The following TET2 variants were observed in gnomAD, a reference collection of about 807,000 sequenced individuals.
The protein encoded by TET2 is methylcytosine dioxygenase TET2.
Under a neutral mutation model 142.9 loss-of-function variants are expected in TET2, and 299 were observed. That is an observed-to-expected ratio of 2.09 (90% CI 1.90 to 2.30). The LOEUF (loss-of-function observed/expected upper bound fraction) is 2.30. Among genes scored for constraint, TET2 ranks in the 30% most tolerant of loss-of-function variants. The pLI, the probability that TET2 is intolerant of heterozygous loss-of-function variation, is 0.00. For synonymous variants in TET2, 819 were observed against 849.0 expected (o/e 0.96, Z 0.61); for missense variants, 2,418 against 2,378.0 (o/e 1.02, Z -0.35).
At chr4:105,231,418 T>C (rs757950638) in intron 2 of TET2, among the ~76,000 whole-genome samples, 22 of 152,166 alleles carry the variant, frequency 1.4e-4, no homozygotes, top group Non-Finnish European at 2.5e-4. Context: ...TAAAAACTTA[T>C]TCCTAGTGTA....
Position 105,272,810 on chromosome 4 carries a change from GAA to G in TET2, c.4432_4433del (p.Lys1478AlafsTer10). 1 of 1,551,638 alleles carries G rather than the reference GAA, an allele frequency of 6.4e-7. No individual in the cohort carries two copies. Among genetic ancestry groups the G allele is most frequent in the Non-Finnish European group, 8.7e-7 (1 of 1,146,966 alleles). On this transcript the variant is annotated frameshift_variant, in exon 10 of 11. Transcript: ENST00000380013. LOFTEE classifies it high-confidence loss of function. ...RKLEAKKAAA[E>X]KLSSLENSSN... ...ACTAGAAGCCAAGAAAGCTGCAGCTGAAAAGCTTTCCTCCCTGGAGAACAGCT... is the reference window on the plus strand; with the variant it reads ...ACTAGAAGCCAAGAAAGCTGCAGCTGAAGCTTTCCTCCCTGGAGAACAGCT...
At chr4:105,271,198 T>G (rs951206143) in intron 9 of TET2, among the ~76,000 whole-genome samples, 1 of 152,186 alleles carries the variant, frequency 6.6e-6, no homozygotes, top group Non-Finnish European at 1.5e-5. Flanking sequence ...TGAGGCACAT[T>G]AGCCGTAGGT....
chr4:105,204,234 T>TACACACACACAC (rs763239434), intron 2 of TET2, among the ~76,000 whole-genome samples: 13 of 125,944 alleles, frequency 1.0e-4, no homozygotes, highest in South Asian at 2.6e-4. Flanking sequence ...AAAAAATATA[T>TACACACACACAC]ACACACACAC....
chr4:105,242,621 C>A, intron 4 of TET2: 6 of 1,290,948 alleles, frequency 4.6e-6, no homozygotes, highest in Non-Finnish European at 5.9e-6. Flanking sequence ...TAGTTCATTA[C>A]AATTATCTGT....
At chr4:105,255,821 G>A (rs1730097982) in intron 6 of TET2, among the ~76,000 whole-genome samples, 1 of 151,764 alleles carries the variant, frequency 6.6e-6, no homozygotes, top group Non-Finnish European at 1.5e-5. Flanking sequence ...TGATAAGGTA[G>A]GATTTGTCTG....
At chr4:105,194,055 C>T (rs1725937203) in intron 2 of TET2, among the ~76,000 whole-genome samples, 1 of 152,020 alleles carries the variant, frequency 6.6e-6, no homozygotes, top group Admixed American at 6.6e-5. Context: ...ACTTTATAGC[C>T]ATGCCTCTAG....
At chr4:105,251,292 CA>C (rs1729857142) in intron 6 of TET2, among the ~76,000 whole-genome samples, 1 of 152,118 alleles carries the variant, frequency 6.6e-6, no homozygotes, top group Admixed American at 6.5e-5. Flanking sequence ...TTAACAACTG[CA>C]AACATCCTTG....
Position 105,235,793 on chromosome 4 carries a change from G to T in TET2, c.1851G>T (p.Arg617Ser), listed in dbSNP as rs1728836422. ...CCAACATGCCTGGGGGGCTCCCAAG[G>T]CAAGCTTACACCCAGAAAACAACAC... The part of the protein sequence containing the change: ...GNSNMPGGLP[R>S]QAYTQKTTQL... Residue 617 changes from arginine (R) to serine (S), a missense_variant, in exon 3 of 11, where the codon AGG becomes AGT. Arg to Ser is a moderately radical substitution (Grantham distance 110). Coordinates refer to ENST00000380013, the MANE Select transcript of TET2 (RefSeq NM_001127208.3). The T allele has an allele frequency of 6.2e-7, 1 of 1,614,058 alleles. No homozygotes were observed. The highest frequency in any genetic ancestry group is 8.5e-7 in the Non-Finnish European group (1 of 1,180,012).
chr4:105,171,814 G>C (rs544652568), intron 1 of TET2: 2 of 152,314 alleles, frequency 1.3e-5, no homozygotes, highest in African/African-American at 4.8e-5. Context: ...CTTTCTTCCA[G>C]ATTGCATTAT....
intron 2 of TET2, among the ~76,000 whole-genome samples, chr4:105,203,126 A>G (rs532600383): frequency 2.0e-5 from 3 of 152,340 alleles, no homozygotes; most frequent in South Asian, 2.1e-4. Flanking sequence ...TTGTCATTCA[A>G]TTAGTGACTA....
intron 6 of TET2, among the ~76,000 whole-genome samples, chr4:105,254,356 G>C (rs28792970): frequency 0.011 from 1,626 of 152,136 alleles, 27 homozygotes; most frequent in African/African-American, 0.035. Flanking sequence ...TCAAGGAATT[G>C]GTCCATTTCA....
At chr4:105,268,118 T>A (rs942630194) in intron 8 of TET2, among the ~76,000 whole-genome samples, 1 of 152,118 alleles carries the variant, frequency 6.6e-6, no homozygotes. Flanking sequence ...CAGTCAAGAT[T>A]GGGTAGGAAA....
Position 105,261,167 on chromosome 4 carries a change from A to G in TET2, c.3955-592A>G, listed in dbSNP as rs147707873. Among the ~76,000 whole-genome samples, 300 of 152,170 alleles carry G rather than the reference A, an allele frequency of 2.0e-3. 1 individual carries two copies. Among genetic ancestry groups the G allele is most frequent in the African/African-American group, 7.0e-3 (291 of 41,542 alleles). On this transcript the variant is annotated intron_variant, in intron 7 of 10. Coordinates refer to ENST00000380013, the MANE Select transcript of TET2 (RefSeq NM_001127208.3). ...ACCTACCATTTTTTAACAGTATATTACTTGGAAAATCTGTTCTTCATGAGC... is the reference window on the plus strand; with the variant it reads ...ACCTACCATTTTTTAACAGTATATTGCTTGGAAAATCTGTTCTTCATGAGC...
At chr4:105,248,632 C>G (rs1729702683) in intron 6 of TET2, among the ~76,000 whole-genome samples, 1 of 152,048 alleles carries the variant, frequency 6.6e-6, no homozygotes, top group South Asian at 2.1e-4. Flanking sequence ...AGTTATTCCC[C>G]CATGTTTTTT....
At chr4:105,164,444 A>G (rs1270370765) in intron 1 of TET2, among the ~76,000 whole-genome samples, 1 of 152,220 alleles carries the variant, frequency 6.6e-6, no homozygotes, top group Non-Finnish European at 1.5e-5. Flanking sequence ...ATGAAGTAAC[A>G]TAAATAAAAC....
chr4:105,227,489 G>A lies in TET2; in HGVS notation c.-46-6408G>A, dbSNP rs187371241. 5.2e-3 allele frequency among the ~76,000 whole-genome samples: 761 copies of A among 147,434 alleles called. 4 individuals carry two copies. Among genetic ancestry groups the A allele is most frequent in the African/African-American group, 0.019 (715 of 37,096 alleles). Reference sequence around the variant, plus strand: ...TCTTTTGCATACAGTGAATTACAATGTGTAGACCTTCAATAGCAAGGTGTT... The same window carrying A: ...TCTTTTGCATACAGTGAATTACAATATGTAGACCTTCAATAGCAAGGTGTT... On this transcript the variant is annotated intron_variant, in intron 2 of 10. Transcript: ENST00000380013.
chr4:105,235,459 G>C lies in TET2; in HGVS notation c.1517G>C (p.Arg506Thr), dbSNP rs748482038. 1 of 1,614,006 alleles carries C rather than the reference G, an allele frequency of 6.2e-7. No individual in the cohort carries two copies. Among genetic ancestry groups the C allele is most frequent in the Admixed American group, 1.7e-5 (1 of 60,000 alleles). The stretch of plus-strand genomic sequence containing the variant: ...GTTCCATTGTGTTCTGAGAAAACAA[G>C]ACCAATGTCAGAACACCTCAAGCAT... ...MTVPLCSEKT[R>T]PMSEHLKHNP... The change falls in exon 3 of 11, where the codon AGA (arginine) becomes ACA (threonine). Residue 506 changes from arginine to threonine, a missense_variant. Physicochemically the swap from Arg to Thr is moderately conservative, Grantham distance 71. Transcript: ENST00000380013.
chr4:105,236,861 C>A lies in TET2; in HGVS notation c.2919C>A (p.Cys973Ter). The A allele has an allele frequency of 6.2e-7, 1 of 1,614,130 alleles. No homozygotes were observed. The highest frequency in any genetic ancestry group is 8.5e-7 in the Non-Finnish European group (1 of 1,180,014). ...QQTQQPQTESCHSQMHRPIKV... is the reference protein window; with the variant it reads ...QQTQQPQTES ...CACAGCAACCCCAAACTGAGTCTTGCCATAGTCAGATGCACAGGCCAATTA... is the reference window on the plus strand; with the variant it reads ...CACAGCAACCCCAAACTGAGTCTTGACATAGTCAGATGCACAGGCCAATTA... The change falls in exon 3 of 11, where the codon TGC (cysteine) becomes TGA (stop). Residue 973 changes from cysteine (C) to a stop codon, truncating the protein, a stop_gained. Transcript: ENST00000380013. LOFTEE classifies it high-confidence loss of function.
chr4:105,276,023 C>G lies in TET2; in HGVS notation c.5513C>G (p.Ser1838Cys), dbSNP rs1302669512. 1 of 1,551,682 alleles carries G rather than the reference C, an allele frequency of 6.4e-7. No homozygotes were observed. Among genetic ancestry groups the G allele is most frequent in the Admixed American group, 2.0e-5 (1 of 51,004 alleles). The change falls in exon 11 of 11, where the codon TCT becomes TGT. Residue 1838 changes from serine to cysteine, a missense_variant. Transcript: ENST00000380013. ...QPLALVQGVA[S>C]GAEDNDEVWS... ...TTGGCACTAGTCCAGGGTGTGGCTT[C>G]TGGTGCAGAGGACAACGATGAGGTC...
Sources: allele counts gnomAD v4.1 joint callset (sites outside exome capture counted in the v4.1 genomes callset), GRCh38; gene constraint gnomAD v4.1.1; transcripts MANE v1.5; gene names NCBI Gene and HGNC (gene_info 2026-07-23, HGNC 2026-07-21).